Variants in AGBL1 observed in about 807,000 individuals in gnomAD.
The protein encoded by AGBL1 is cytosolic carboxypeptidase 4.
In AGBL1, 130 loss-of-function variants were observed where a neutral mutation model predicts 118.9. That is an observed-to-expected ratio of 1.09 (90% confidence interval 0.95 to 1.26). AGBL1 has a LOEUF of 1.26. Ranked by LOEUF, AGBL1 falls within the 50% of genes most tolerant of loss-of-function variation. AGBL1 has a pLI of 0.00. For missense variants in AGBL1, 1,584 were observed against 1,298.1 expected (o/e 1.22, Z -3.38); for synonymous variants, 555 against 478.9 (o/e 1.16, Z -2.08).
At chr15:86,852,115 G>C (rs903507317) in intron 22 of AGBL1, among the ~76,000 whole-genome samples, 1 of 152,068 alleles carries the variant, frequency 6.6e-6, no homozygotes, top group Admixed American at 6.6e-5. Context: ...ATTTATAAAG[G>C]AAAGAGGTTT....
At chr15:86,406,210 C>T (rs1251728042) in intron 18 of AGBL1, among the ~76,000 whole-genome samples, 1 of 152,024 alleles carries the variant, frequency 6.6e-6, no homozygotes, top group Non-Finnish European at 1.5e-5. Flanking sequence ...GTGTTTCTTT[C>T]TCAACTTGCC....
chr15:86,398,809 TGA>T, intron 18 of AGBL1, among the ~76,000 whole-genome samples: 1 of 152,122 alleles, frequency 6.6e-6, no homozygotes, highest in East Asian at 1.9e-4. Context: ...TACAAAAAGA[TGA>T]AAAGCATAAA....
intron 18 of AGBL1, 123 bp from the exon 19 acceptor site, chr15:86,522,687 T>C: frequency 1.6e-6 from 2 of 1,252,644 alleles, no homozygotes; most frequent in Non-Finnish European, 2.2e-6. Context: ...TTGATGCCAA[T>C]TGGGAAGAAA....
intron 19 of AGBL1, among the ~76,000 whole-genome samples, chr15:86,542,733 T>G (rs554781095): frequency 6.6e-6 from 1 of 152,254 alleles, no homozygotes; most frequent in South Asian, 2.1e-4. Context: ...GTGGTAGCAC[T>G]TAACCACCAA....
At chr15:86,734,568 C>T (rs1347700668) in intron 22 of AGBL1, among the ~76,000 whole-genome samples, 2 of 152,150 alleles carry the variant, frequency 1.3e-5, no homozygotes, top group Non-Finnish European at 2.9e-5. Context: ...AATGGGCATA[C>T]ATCCTTCATG....
At chr15:86,354,908 C>G (rs772700767) in intron 17 of AGBL1, among the ~76,000 whole-genome samples, 72 of 152,116 alleles carry the variant, frequency 4.7e-4, no homozygotes, top group Non-Finnish European at 9.4e-4. Flanking sequence ...GATGTGGAAG[C>G]CAGAAAGGCT....
chr15:86,598,730 C>T (rs2084446770), intron 21 of AGBL1, among the ~76,000 whole-genome samples: 1 of 152,088 alleles, frequency 6.6e-6, no homozygotes, highest in Admixed American at 6.6e-5. Flanking sequence ...AACATGGCTG[C>T]ACCTATACTA....
At chr15:86,794,661 C>G (rs1000577686) in intron 22 of AGBL1, among the ~76,000 whole-genome samples, 2 of 152,054 alleles carry the variant, frequency 1.3e-5, no homozygotes, top group African/African-American at 4.8e-5. Flanking sequence ...TGCAGGGTCT[C>G]ATGTTTACTG....
At chr15:86,265,491 C>T (rs1039772593) in intron 11 of AGBL1, among the ~76,000 whole-genome samples, 1 of 151,962 alleles carries the variant, frequency 6.6e-6, no homozygotes, top group Non-Finnish European at 1.5e-5. Flanking sequence ...ACATTATTCT[C>T]CTTGAAAAAA....
chr15:86,726,098 G>C (rs1469576044), intron 22 of AGBL1, among the ~76,000 whole-genome samples: 1 of 152,212 alleles, frequency 6.6e-6, no homozygotes, highest in Non-Finnish European at 1.5e-5. Context: ...CTTGTTTAGA[G>C]TACATTGTGC....
At position 86,578,995 on chromosome 15, in the gene AGBL1, A is replaced by G. The variant is rs531904151; in HGVS notation, c.2994+24458A>G. ...TAATCCTCATTTTCACCATCATCAT[A>G]ATCCTTTCATCTTGCTTGCATATTG... On this transcript the variant is annotated intron_variant, in intron 21 of 22. Transcript: ENST00000614907. Among the ~76,000 whole-genome samples the G allele has an allele frequency of 1.1e-4, 16 of 152,302 alleles. 1 individual carries two copies. Among genetic ancestry groups the G allele is most frequent in the African/African-American group, 3.8e-4 (16 of 41,570 alleles).
rs1567242799 is a variant in AGBL1, at chr15:86,410,832, ATATATATAT to A, written c.2555+13287_2555+13295del. Among the ~76,000 whole-genome samples the A allele has an allele frequency of 4.2e-4, 35 of 83,180 alleles. 2 individuals are homozygous for A. The highest frequency in any genetic ancestry group is 5.6e-4 in the African/African-American group (11 of 19,502). 54.6% of individuals were successfully genotyped at this position (83,180 alleles called of 152,430 possible). A position where few individuals can be genotyped will look rare whatever the true frequency, so the allele number is the denominator to read the frequency against. On this transcript the variant is annotated intron_variant, in intron 18 of 22. Coordinates refer to ENST00000614907, the MANE Select transcript of AGBL1 (RefSeq NM_001386094.1). ...GATATATATATATATATATATATATATATATATATAATATACTATTTTATATATAAAATA... is the reference window on the plus strand; with the variant it reads ...GATATATATATATATATATATATATAAATATACTATTTTATATATAAAATA...
At chr15:86,738,340 A>G (rs1392841320) in intron 22 of AGBL1, among the ~76,000 whole-genome samples, 2 of 152,150 alleles carry the variant, frequency 1.3e-5, no homozygotes, top group Non-Finnish European at 2.9e-5. Flanking sequence ...GCCCACTCTC[A>G]CCACTCCTGT....
chr15:86,673,314 A>C (rs571185178), intron 21 of AGBL1, among the ~76,000 whole-genome samples: 37 of 152,304 alleles, frequency 2.4e-4, no homozygotes, highest in African/African-American at 8.7e-4. Flanking sequence ...AGGCAAAAAG[A>C]GTTCGCTGAG....
At chr15:87,031,343 T>G (rs572864333), downstream of AGBL1, among the ~76,000 whole-genome samples, 1 of 152,082 alleles carries the variant, frequency 6.6e-6, no homozygotes, top group South Asian at 2.1e-4. Flanking sequence ...AGAGAGATAT[T>G]TCTCATGAAA....
At chr15:86,080,178 C>T (rs1056072416) in intron 1 of AGBL1, 155 bp downstream of exon 1, 1 of 431,988 alleles carries the variant, frequency 2.3e-6, no homozygotes, top group Non-Finnish European at 3.9e-6. Context: ...TGAAGCTGAC[C>T]TAAGTGATGC....
At chr15:86,568,616 A>T (rs1489639260) in intron 21 of AGBL1, among the ~76,000 whole-genome samples, 1 of 152,226 alleles carries the variant, frequency 6.6e-6, no homozygotes, top group Non-Finnish European at 1.5e-5. Flanking sequence ...TCTTCTTAGG[A>T]TGCTCTGTCT....
At position 86,298,332 on chromosome 15, in the gene AGBL1, G is replaced by A. The variant is rs1202646665; in HGVS notation, c.2374+2924G>A. On this transcript the variant is annotated intron_variant, in intron 17 of 22. Coordinates refer to ENST00000614907, the MANE Select transcript of AGBL1 (RefSeq NM_001386094.1). ...ATATATATAGGTAACTATATATATG[G>A]TAACTATATATATATGAATATATTC... Among the ~76,000 whole-genome samples the A allele has an allele frequency of 2.6e-4, 27 of 103,254 alleles. 1 individual carries two copies. Among genetic ancestry groups the A allele is most frequent in the East Asian group, 1.6e-3 (7 of 4,354 alleles). The allele number at this position is 103,254 out of a possible 152,430, so 67.7% of individuals were successfully genotyped here.
intron 18 of AGBL1, among the ~76,000 whole-genome samples, chr15:86,426,790 G>A (rs2081872624): frequency 6.6e-6 from 1 of 152,102 alleles, no homozygotes; most frequent in Non-Finnish European, 1.5e-5. Flanking sequence ...ATTAAGAGAT[G>A]GAGTCTCACT....
Sources: gnomAD v4.1 joint callset for allele counts (sites outside exome capture counted in the v4.1 genomes callset) on GRCh38, gnomAD v4.1.1 for gene constraint, MANE v1.5 for transcripts, NCBI Gene and HGNC (gene_info 2026-07-23, HGNC 2026-07-21) for gene names.